Variants in CACNA2D3 observed in about 807,000 individuals in gnomAD.
CACNA2D3 encodes calcium voltage-gated channel auxiliary subunit alpha2delta 3.
In CACNA2D3, 60 loss-of-function variants were observed where a neutral mutation model predicts 160.6. That is an observed-to-expected ratio of 0.37 (90% confidence interval 0.30 to 0.46). The LOEUF (loss-of-function observed/expected upper bound fraction) is 0.46. CACNA2D3 is among the 20% of genes least tolerant of loss of function. The pLI is 1.00. For synonymous variants in CACNA2D3, 558 were observed against 492.9 expected, an observed-to-expected ratio of 1.13 and a Z score of -1.75; for missense variants, 1,205 against 1,365.0, an observed-to-expected ratio of 0.88 and a Z score of 1.85.
chr3:54,328,923 C>T (rs1366235088), intron 3 of CACNA2D3, among the ~76,000 whole-genome samples: 2 of 152,218 alleles, frequency 1.3e-5, no homozygotes, highest in African/African-American at 4.8e-5. Context: ...GCATCGGCGG[C>T]TCAATACCTA....
chr3:54,234,984 C>T (rs577630981), intron 2 of CACNA2D3, among the ~76,000 whole-genome samples: 1 of 151,956 alleles, frequency 6.6e-6, no homozygotes, highest in Non-Finnish European at 1.5e-5. Context: ...GTGTAACAAA[C>T]CTTCACATGT....
intron 11 of CACNA2D3, among the ~76,000 whole-genome samples, chr3:54,695,866 ATTT>A (rs1023423046): frequency 6.6e-6 from 1 of 152,134 alleles, no homozygotes; most frequent in African/African-American, 2.4e-5. Flanking sequence ...TTGCCTTCTG[ATTT>A]TTATGGTGGT....
At chr3:54,584,110 A>G (rs1032882982) in intron 9 of CACNA2D3, among the ~76,000 whole-genome samples, 6 of 152,162 alleles carry the variant, frequency 3.9e-5, no homozygotes, top group Admixed American at 3.3e-4. Flanking sequence ...GACTGCTAAG[A>G]GAAAAGATGA....
At chr3:55,029,887 A>G (rs1466207432) in intron 35 of CACNA2D3, among the ~76,000 whole-genome samples, 3 of 152,200 alleles carry the variant, frequency 2.0e-5, no homozygotes, top group Admixed American at 6.5e-5. Context: ...CCAAACTACC[A>G]TACTCAATCT....
chr3:54,353,470 T>TA (rs59618636), intron 3 of CACNA2D3, among the ~76,000 whole-genome samples: 2 of 150,770 alleles, frequency 1.3e-5, no homozygotes, highest in Non-Finnish European at 3.0e-5. Context: ...TTTTTTTTTT[T>TA]ATAAAGGTAA....
intron 2 of CACNA2D3, among the ~76,000 whole-genome samples, chr3:54,310,965 G>A (rs1703726559): frequency 6.6e-6 from 1 of 152,162 alleles, no homozygotes; most frequent in Non-Finnish European, 1.5e-5. Context: ...TCTGGCTAGA[G>A]AGTCCCTGGT....
At chr3:54,458,001 C>A (rs986388490) in intron 4 of CACNA2D3, among the ~76,000 whole-genome samples, 4 of 152,010 alleles carry the variant, frequency 2.6e-5, no homozygotes, top group Admixed American at 6.6e-5. Context: ...CTGTAGGCAG[C>A]ATATAGTTGG....
chr3:54,506,619 G>C (rs1252848804), intron 5 of CACNA2D3, among the ~76,000 whole-genome samples: 1 of 152,178 alleles, frequency 6.6e-6, no homozygotes, highest in Non-Finnish European at 1.5e-5. Flanking sequence ...GGTGATGTGG[G>C]CAAGCTGTGC....
chr3:54,474,997 C>T (rs939812205), intron 4 of CACNA2D3, among the ~76,000 whole-genome samples: 19 of 152,176 alleles, frequency 1.2e-4, no homozygotes, highest in Admixed American at 1.0e-3. Context: ...ATTTATTCTA[C>T]ACTGAAGGTG....
intron 2 of CACNA2D3, among the ~76,000 whole-genome samples, chr3:54,254,193 A>G (rs948556325): frequency 3.3e-5 from 5 of 152,102 alleles, no homozygotes; most frequent in African/African-American, 1.2e-4. Flanking sequence ...TGCTTTGGGG[A>G]GGGATGCTCT....
intron 34 of CACNA2D3, among the ~76,000 whole-genome samples, chr3:55,010,092 T>C (rs748462056): frequency 6.6e-6 from 1 of 152,082 alleles, no homozygotes; most frequent in African/African-American, 2.4e-5. Flanking sequence ...CTGTGAGAAA[T>C]CATATTACGT....
intron 14 of CACNA2D3, among the ~76,000 whole-genome samples, chr3:54,817,490 C>G (rs1703482709): frequency 6.6e-6 from 1 of 152,176 alleles, no homozygotes. Context: ...TGCTGTGTCA[C>G]CCTCATAGCA....
Position 54,526,656 on chromosome 3 carries a change from C to G in CACNA2D3, c.544+23002C>G, listed in dbSNP as rs149285759. Among the ~76,000 whole-genome samples the G allele has an allele frequency of 8.1e-4, 124 of 152,200 alleles. 1 individual carries two copies. Among genetic ancestry groups the G allele is most frequent in the Admixed American group, 6.3e-3 (96 of 15,280 alleles). ...AGCTTGGTCTTTTTCCCTGGCTACA[C>G]CAACCCTTAAGTACCCATAAGTATT... On this transcript the variant is annotated intron_variant, in intron 5 of 37. Coordinates refer to ENST00000474759, the MANE Select transcript of CACNA2D3 (RefSeq NM_018398.3).
intron 34 of CACNA2D3, among the ~76,000 whole-genome samples, 174 bp downstream of exon 34, chr3:55,009,617 T>C (rs1703167658): frequency 6.6e-6 from 1 of 152,236 alleles, no homozygotes; most frequent in Admixed American, 6.5e-5. Context: ...CTATCTAGTC[T>C]GACACAGAAT....
intron 36 of CACNA2D3, 77 bp from the exon 37 acceptor site, chr3:55,073,700 T>G (rs367567587): frequency 1.3e-5 from 17 of 1,335,104 alleles, no homozygotes; most frequent in East Asian, 9.4e-5. Flanking sequence ...AAGAGAGTTG[T>G]CATTGCCAAA....
intron 13 of CACNA2D3, among the ~76,000 whole-genome samples, chr3:54,809,660 C>G (rs1703247187): frequency 6.6e-6 from 1 of 151,658 alleles, no homozygotes; most frequent in South Asian, 2.1e-4. Flanking sequence ...CTTTCTTCCC[C>G]TCCCTCCCTT....
At chr3:54,586,310 T>C (rs1439101044) in intron 9 of CACNA2D3, among the ~76,000 whole-genome samples, 1 of 146,986 alleles carries the variant, frequency 6.8e-6, no homozygotes, top group Non-Finnish European at 1.5e-5. Flanking sequence ...GTGACAGATA[T>C]GTTGAAAGTA....
At chr3:54,191,960 G>A (rs533472537) in intron 2 of CACNA2D3, among the ~76,000 whole-genome samples, 1 of 152,330 alleles carries the variant, frequency 6.6e-6, no homozygotes, top group Admixed American at 6.5e-5. Context: ...TTCTGAGGAT[G>A]CATTGGCATT....
At chr3:54,858,123 C>G (rs910977742) in intron 17 of CACNA2D3, among the ~76,000 whole-genome samples, 4 of 151,380 alleles carry the variant, frequency 2.6e-5, no homozygotes, top group Non-Finnish European at 5.9e-5. Flanking sequence ...CAATAAAAAC[C>G]TCATCAAAAT....
Sources: gnomAD v4.1 joint callset for allele counts (sites outside exome capture counted in the v4.1 genomes callset) on GRCh38, gnomAD v4.1.1 for gene constraint, MANE v1.5 for transcripts, NCBI Gene and HGNC (gene_info 2026-07-23, HGNC 2026-07-21) for gene names.